Variants in LARP4B observed in about 807,000 individuals in gnomAD.
LARP4B encodes La ribonucleoprotein 4B, also known as la-related protein 4B.
LARP4B carries 12 observed loss-of-function variants against 89.8 expected under a neutral mutation model. The ratio of observed to expected loss-of-function variants is 0.13; its 90% CI spans 0.09 to 0.22. The LOEUF (loss-of-function observed/expected upper bound fraction) is 0.22, where lower values mean the gene tolerates loss of function less well. Ranked by LOEUF, LARP4B falls within the 10% of genes least tolerant of loss-of-function variation. The probability of loss-of-function intolerance (pLI) is 1.00; values close to 1 mark genes in which losing one functional copy is unlikely to be tolerated. For missense variants in LARP4B, 757 were observed against 947.7 expected (o/e 0.80, Z 2.64); for synonymous variants, 367 against 363.3 (o/e 1.01, Z -0.12).
chr10:842,855 A>G, intron 7 of LARP4B, 77 bp downstream of exon 7: 1 of 1,363,504 alleles, frequency 7.3e-7, no homozygotes, highest in Non-Finnish European at 1.0e-6. Flanking sequence ...TTTGATGGCT[A>G]TAGATTTAAA....
At chr10:903,190 C>T (rs982387818) in intron 1 of LARP4B, 1 of 152,406 alleles carries the variant, frequency 6.6e-6, no homozygotes, top group African/African-American at 2.4e-5. Flanking sequence ...TCCACTCTTC[C>T]ACATCCTTCA....
At chr10:925,438 G>C (rs970574812) in intron 1 of LARP4B, among the ~76,000 whole-genome samples, 1 of 152,052 alleles carries the variant, frequency 6.6e-6, no homozygotes, top group Non-Finnish European at 1.5e-5. Context: ...TTTCAATATT[G>C]CAATTGTTTC....
chr10:853,233 A>G (rs1254493759), intron 5 of LARP4B, among the ~76,000 whole-genome samples: 1 of 152,246 alleles, frequency 6.6e-6, no homozygotes, highest in Non-Finnish European at 1.5e-5. Flanking sequence ...TCAGTTCCAG[A>G]GTGCTGCAAT....
intron 3 of LARP4B, 60 bp from the exon 4 acceptor site, chr10:864,330 C>A: frequency 6.4e-7 from 1 of 1,563,880 alleles, no homozygotes. Flanking sequence ...CAATTTTACT[C>A]ATTAATGCAG....
chr10:922,675 T>TTAAATAAATAAATAAA (rs370807617), intron 1 of LARP4B, among the ~76,000 whole-genome samples: 38 of 146,286 alleles, frequency 2.6e-4, no homozygotes, highest in Admixed American at 6.2e-4. Flanking sequence ...ACCCCGTCTG[T>TTAAATAAATAAATAAA]TAAATAAATA....
chr10:947,329 TCCATTCAGCAAGA>T, the LARP4B span, among the ~76,000 whole-genome samples: 1 of 151,854 alleles, frequency 6.6e-6, no homozygotes, highest in Non-Finnish European at 1.5e-5. Flanking sequence ...AAGGCACAGT[TCCATTCAGCAAGA>T]CAAACGGCAA....
At chr10:817,469 G>A (rs1233101406) in intron 15 of LARP4B, among the ~76,000 whole-genome samples, 1 of 152,204 alleles carries the variant, frequency 6.6e-6, no homozygotes, top group Non-Finnish European at 1.5e-5. Flanking sequence ...CTGGGTGAGA[G>A]AAAGGGTGTG....
At chr10:885,328 A>G (rs901633325) in intron 2 of LARP4B, among the ~76,000 whole-genome samples, 6 of 151,934 alleles carry the variant, frequency 3.9e-5, no homozygotes, top group Non-Finnish European at 8.8e-5. Flanking sequence ...TCTGCATTAG[A>G]CTTCGCAAAA....
intron 1 of LARP4B, among the ~76,000 whole-genome samples, chr10:911,856 C>T (rs1284971736): frequency 1.3e-5 from 2 of 152,162 alleles, no homozygotes; most frequent in Non-Finnish European, 2.9e-5. Context: ...TGTGCAATGG[C>T]GGACAAGTCA....
In LARP4B at chr10:918,942, G is replaced by A. The variant is rs193099948; in HGVS notation, c.-40+12486C>T. ...AAAAATACAAAAAAATTAGCTGGGC[G>A]TGGTGGCGGGCGCCTGTAGTCCCAG... is the stretch of plus-strand genomic sequence containing the variant. On this transcript the variant is annotated intron_variant, in intron 1 of 17. Coordinates refer to ENST00000316157, the MANE Select transcript of LARP4B (RefSeq NM_015155.3). 6.6e-3 allele frequency among the ~76,000 whole-genome samples: 1,006 copies of A among 152,090 alleles called. 10 individuals carry two copies. Among genetic ancestry groups the A allele is most frequent in the Non-Finnish European group, 0.011 (736 of 67,982 alleles).
At chr10:932,752 G>A (rs1830686189), upstream of LARP4B, among the ~76,000 whole-genome samples, 1 of 126,282 alleles carries the variant, frequency 7.9e-6, no homozygotes, top group African/African-American at 3.0e-5. Context: ...CTGAGACGAA[G>A]GTCCCGGCCC....
chr10:984,445 C>T, the LARP4B span, among the ~76,000 whole-genome samples: 1 of 152,114 alleles, frequency 6.6e-6, no homozygotes, highest in African/African-American at 2.4e-5. Context: ...CAGCAGAATG[C>T]AAAGAATGTT....
At chr10:917,543 G>C (rs567695595) in intron 1 of LARP4B, among the ~76,000 whole-genome samples, 28 of 152,178 alleles carry the variant, frequency 1.8e-4, no homozygotes, top group Non-Finnish European at 2.9e-4. Context: ...CCAATAAAAA[G>C]CCTGTTGGAA....
At chr10:885,565 C>A in intron 2 of LARP4B, 76 bp downstream of exon 2, 1 of 1,032,806 alleles carries the variant, frequency 9.7e-7, no homozygotes, top group South Asian at 1.5e-5. Flanking sequence ...GTTTAGAACT[C>A]CTTACTAACT....
the LARP4B span, among the ~76,000 whole-genome samples, chr10:963,546 G>A: frequency 4.9e-4 from 75 of 152,282 alleles, no homozygotes; most frequent in African/African-American, 1.4e-3. Flanking sequence ...ACAGAAGTGT[G>A]GGAAATAGAA....
chr10:935,340 G>T (rs141470944), upstream of LARP4B, among the ~76,000 whole-genome samples: 173 of 152,332 alleles, frequency 1.1e-3, 3 homozygotes, highest in African/African-American at 4.0e-3. Context: ...TGAGCACTTA[G>T]GTCCTAATGG....
chr10:891,744 C>G (rs376746509), intron 1 of LARP4B, among the ~76,000 whole-genome samples: 1 of 152,196 alleles, frequency 6.6e-6, no homozygotes, highest in African/African-American at 2.4e-5. Context: ...AAAAAAGTAA[C>G]CTTTACACCA....
chr10:914,270 C>A (rs113506928), intron 1 of LARP4B, among the ~76,000 whole-genome samples: 4 of 151,990 alleles, frequency 2.6e-5, no homozygotes, highest in African/African-American at 9.6e-5. Context: ...GTATAAGAAA[C>A]AATTTTATAT....
chr10:819,003 G>C (rs1271430192), intron 14 of LARP4B: 1 of 152,230 alleles, frequency 6.6e-6, no homozygotes, highest in Non-Finnish European at 1.5e-5. Context: ...CCACGCGACA[G>C]GTGCCTAATT....
Sources: allele counts gnomAD v4.1 joint callset (sites outside exome capture counted in the v4.1 genomes callset), GRCh38; gene constraint gnomAD v4.1.1; transcripts MANE v1.5; gene names NCBI Gene and HGNC (gene_info 2026-07-23, HGNC 2026-07-21).